Variants in DLG2 observed in about 807,000 individuals in gnomAD.
The protein encoded by DLG2 is disks large homolog 2.
In DLG2, 45 loss-of-function variants were observed where a neutral mutation model predicts 132.5. The observed-to-expected ratio is 0.34, with a 90% CI of 0.27 to 0.44. The LOEUF is 0.44. Among genes scored for constraint, DLG2 ranks in the 20% least tolerant of loss-of-function variants. The pLI, the probability that DLG2 is intolerant of heterozygous loss-of-function variation, is 1.00. For missense variants in DLG2, 1,045 were observed against 1,196.9 expected (o/e 0.87, Z 1.87); for synonymous variants, 424 against 419.6 (o/e 1.01, Z -0.13).
chr11:84,963,681 A>T lies in DLG2; in HGVS notation c.357+147980T>A, dbSNP rs565558795. Among the ~76,000 whole-genome samples the T allele has an allele frequency of 1.9e-4, 29 of 152,316 alleles. No homozygotes were observed. The South Asian group carries it at 2.3e-3, about 12-fold the overall frequency. On this transcript the variant is annotated intron_variant, in intron 6 of 27. Coordinates refer to ENST00000376104, the MANE Select transcript of DLG2 (RefSeq NM_001142699.3). ...TGATTCATATGAAGGCATGCTGCAC[A>T]CATGTCTACACTTAACACAATTTAT... is the stretch of plus-strand genomic sequence containing the variant.
chr11:83,730,332 G>C (rs1353011063), intron 18 of DLG2, among the ~76,000 whole-genome samples: 1 of 151,724 alleles, frequency 6.6e-6, no homozygotes, highest in African/African-American at 2.4e-5. Context: ...ATTTCCACTT[G>C]TTGAAAATTT....
chr11:84,331,170 G>A (rs1375003453), intron 7 of DLG2, among the ~76,000 whole-genome samples: 1 of 152,104 alleles, frequency 6.6e-6, no homozygotes, highest in Non-Finnish European at 1.5e-5. Flanking sequence ...TCTGGCTGTG[G>A]AACAGCTTCA....
chr11:83,813,288 G>A (rs1222404950), intron 17 of DLG2, among the ~76,000 whole-genome samples: 1 of 152,184 alleles, frequency 6.6e-6, no homozygotes, highest in Non-Finnish European at 1.5e-5. Context: ...TTGAGGACCA[G>A]CCTCGTGCCG....
At chr11:83,469,057 G>C (rs2091623093) in intron 25 of DLG2, 144 bp downstream of exon 25, 1 of 646,812 alleles carries the variant, frequency 1.5e-6, no homozygotes, top group Admixed American at 2.9e-5. Context: ...GCTCTAAGGT[G>C]ATTCTCTGCT....
intron 18 of DLG2, among the ~76,000 whole-genome samples, chr11:83,668,774 CACATATATATGTGTATATAA>C (rs1566433575): frequency 9.2e-5 from 12 of 130,040 alleles, no homozygotes; most frequent in African/African-American, 2.9e-4. Flanking sequence ...TATATAAACA[CACATATATATGTGTATATAA>C]ACACACATAT....
chr11:85,039,905 T>C (rs913615655), intron 6 of DLG2, among the ~76,000 whole-genome samples: 6 of 151,932 alleles, frequency 3.9e-5, no homozygotes, highest in African/African-American at 1.4e-4. Context: ...TAATTCACAT[T>C]GGCAGTCCTT....
chr11:84,731,833 C>A (rs1214138901), intron 6 of DLG2, among the ~76,000 whole-genome samples: 1 of 152,008 alleles, frequency 6.6e-6, no homozygotes, highest in Non-Finnish European at 1.5e-5. Context: ...TAATTTTCAA[C>A]ATACGTATAC....
chr11:83,786,601 T>C, intron 18 of DLG2, 89 bp downstream of exon 18: 2 of 1,169,368 alleles, frequency 1.7e-6, no homozygotes, highest in South Asian at 2.6e-5. Context: ...CCAATGATGG[T>C]GACTCTAGTT....
At position 84,413,690 on chromosome 11, in the gene DLG2, C is replaced by T. The variant is rs185090941; in HGVS notation, c.519+120880G>A. ...TTCAGTCACAGGTTCTCAGAACACA[C>T]TCAATCACCTGCTGACATCAGCTAT... On this transcript the variant is annotated intron_variant, in intron 7 of 27. Transcript: ENST00000376104. Among the ~76,000 whole-genome samples, 5 of 152,306 alleles carry T rather than the reference C, an allele frequency of 3.3e-5. No individual in the cohort carries two copies. The East Asian group carries it at 9.6e-4, about 29-fold the overall frequency.
chr11:84,687,618 A>G (rs544302519), intron 6 of DLG2, among the ~76,000 whole-genome samples: 1 of 152,180 alleles, frequency 6.6e-6, no homozygotes, highest in Non-Finnish European at 1.5e-5. Context: ...ACTCATTTGC[A>G]CAATAGCCTC....
chr11:85,244,201 G>T (rs1195309142), intron 4 of DLG2, among the ~76,000 whole-genome samples: 2 of 151,912 alleles, frequency 1.3e-5, no homozygotes, highest in Non-Finnish European at 2.9e-5. Flanking sequence ...TATTTCTCCT[G>T]AGAGCTAAAC....
chr11:84,119,171 T>C (rs1294558614), intron 9 of DLG2, among the ~76,000 whole-genome samples: 2 of 150,546 alleles, frequency 1.3e-5, no homozygotes, highest in South Asian at 2.1e-4. Context: ...TAAAGCTGAG[T>C]TGAAAACGAC....
At chr11:83,850,123 A>AGTGT (rs544279195) in intron 16 of DLG2, among the ~76,000 whole-genome samples, 786 of 39,106 alleles carry the variant, frequency 0.02, 8 homozygotes, top group South Asian at 0.03. Flanking sequence ...ATTTGGGGTA[A>AGTGT]GTGTGTGTGT....
intron 18 of DLG2, among the ~76,000 whole-genome samples, chr11:83,769,188 A>C (rs1186505424): frequency 6.6e-6 from 1 of 151,878 alleles, no homozygotes; most frequent in Non-Finnish European, 1.5e-5. Context: ...TGTAGAGCAA[A>C]ACCTCTCCTT....
chr11:84,192,340 A>C (rs1243086445), intron 8 of DLG2, among the ~76,000 whole-genome samples: 2 of 152,242 alleles, frequency 1.3e-5, no homozygotes, highest in African/African-American at 4.8e-5. Flanking sequence ...AGTAAAGTTA[A>C]CAGCATCTAA....
chr11:85,054,214 G>A (rs541277139), intron 6 of DLG2, among the ~76,000 whole-genome samples: 7 of 150,714 alleles, frequency 4.6e-5, no homozygotes, highest in African/African-American at 1.7e-4. Context: ...GCAGTGAGCC[G>A]AGATCATACC....
At chr11:85,430,494 A>G (rs1218564601) in intron 3 of DLG2, among the ~76,000 whole-genome samples, 1 of 152,162 alleles carries the variant, frequency 6.6e-6, no homozygotes, top group African/African-American at 2.4e-5. Context: ...TATCTATTGA[A>G]CATAATATTC....
At chr11:84,288,773 T>C (rs949296061) in intron 7 of DLG2, among the ~76,000 whole-genome samples, 2 of 152,132 alleles carry the variant, frequency 1.3e-5, no homozygotes, top group Non-Finnish European at 2.9e-5. Context: ...TCACAGACAA[T>C]GGATTCCACC....
At chr11:84,502,176 T>TTTCCC (rs1567802291) in intron 7 of DLG2, among the ~76,000 whole-genome samples, 1 of 25,580 alleles carries the variant, frequency 3.9e-5, no homozygotes, top group Non-Finnish European at 8.8e-5. Context: ...CTCTCTCTCT[T>TTTCCC]TCTCTCTCTT....
Sources: gnomAD v4.1 joint callset for allele counts (sites outside exome capture counted in the v4.1 genomes callset) on GRCh38, gnomAD v4.1.1 for gene constraint, MANE v1.5 for transcripts, NCBI Gene and HGNC (gene_info 2026-07-23, HGNC 2026-07-21) for gene names.